The following PCCB variants were observed in gnomAD, a reference collection of about 807,000 sequenced individuals.
PCCB encodes the protein propionyl-CoA carboxylase beta chain, mitochondrial.
In PCCB, 43 loss-of-function variants were observed where a neutral mutation model predicts 60.7. The observed-to-expected ratio is 0.71, with a 90% CI of 0.55 to 0.91. The LOEUF is 0.91. Among genes scored for constraint, PCCB ranks in the 40% least tolerant of loss-of-function variants. PCCB has a pLI of 0.00. For missense variants in PCCB, 766 were observed against 702.8 expected, an observed-to-expected ratio of 1.09 and a Z score of -1.02; for synonymous variants, 276 against 255.9, an observed-to-expected ratio of 1.08 and a Z score of -0.75.
At chr3:136,260,725 C>T (rs1941799458) in intron 4 of PCCB, among the ~76,000 whole-genome samples, 190 bp downstream of exon 4, 1 of 152,158 alleles carries the variant, frequency 6.6e-6, no homozygotes, top group South Asian at 2.1e-4. Context: ...CTGGCAAAGC[C>T]TGAACCCTCC....
At chr3:136,326,683 A>G (rs1935322359) in intron 10 of PCCB, 120 bp from the exon 11 acceptor site, 2 of 781,146 alleles carry the variant, frequency 2.6e-6, no homozygotes, top group Non-Finnish European at 4.6e-6. Context: ...ATTCTGCAAC[A>G]AAGAAGTGTT....
At chr3:136,328,655 T>G in intron 13 of PCCB, 103 bp from the exon 14 acceptor site, 1 of 905,402 alleles carries the variant, frequency 1.1e-6, no homozygotes, top group Non-Finnish European at 1.8e-6. Flanking sequence ...CTCAGTACAC[T>G]GATTTACCAA....
intron 10 of PCCB, among the ~76,000 whole-genome samples, chr3:136,323,627 T>C (rs1357565778): frequency 6.6e-6 from 1 of 151,908 alleles, no homozygotes; most frequent in African/African-American, 2.4e-5. Context: ...CTACTAAAAA[T>C]ACAAAAAATG....
chr3:136,272,176 A>G (rs1485491343), intron 5 of PCCB, among the ~76,000 whole-genome samples: 2 of 152,118 alleles, frequency 1.3e-5, no homozygotes, highest in Non-Finnish European at 1.5e-5. Context: ...TGACTTGCAT[A>G]TGTTAAACCA....
Position 136,301,140 on chromosome 3 carries a change from G to A in PCCB, c.966+29G>A, listed in dbSNP as rs2108208900. On this transcript the variant is annotated intron_variant, in intron 9 of 14. Coordinates refer to ENST00000251654, the MANE Select transcript of PCCB (RefSeq NM_000532.5). ...AGTGCCACATCTGTTTGTCTTGCCT[G>A]TCCTAGTCAGCCACATTCATGGGCA... The A allele has an allele frequency of 1.9e-6, 3 of 1,560,510 alleles. No homozygotes were observed. In the East Asian group the frequency reaches 6.7e-5, roughly 35 times the overall value.
In PCCB at chr3:136,298,006, A is replaced by T. The variant is rs765749691; in HGVS notation, c.818A>T (p.Asp273Val). The change falls in exon 8 of 15, where the codon GAT becomes GTT. Residue 273 changes from aspartate to valine, a missense_variant. Coordinates refer to ENST00000251654, the MANE Select transcript of PCCB (RefSeq NM_000532.5). ...NDVDALCNLR[D>V]FFNYLPLSSQ... is the part of the protein sequence containing the mutation. ...GTTGATGCCTTGTGTAATCTCCGGG[A>T]TTTCTTCAACTACCTGCCCCTGAGC... 1.1e-5 allele frequency: 17 copies of T among 1,613,906 alleles called. No individual in the cohort carries two copies. The highest frequency in any genetic ancestry group is 1.0e-4 in the Admixed American group (6 of 59,992).
intron 8 of PCCB, 41 bp from the exon 9 acceptor site, chr3:136,300,989 T>C: frequency 1.4e-6 from 2 of 1,481,344 alleles, no homozygotes; most frequent in Non-Finnish European, 1.9e-6. Context: ...GGTAACTGGC[T>C]CTTCCTATGT....
intron 7 of PCCB, among the ~76,000 whole-genome samples, chr3:136,296,415 C>T (rs980573673): frequency 1.1e-4 from 17 of 152,200 alleles, no homozygotes; most frequent in African/African-American, 4.8e-5. Flanking sequence ...GTTAAAGGCT[C>T]ATCCATGTTG....
At chr3:136,270,993 T>C (rs1420937997) in intron 5 of PCCB, among the ~76,000 whole-genome samples, 2 of 152,308 alleles carry the variant, frequency 1.3e-5, no homozygotes, top group Middle Eastern at 3.4e-3. Flanking sequence ...TATTTTTTCT[T>C]GCTGATTTGA....
chr3:136,292,418 A>G (rs1298578963), intron 6 of PCCB, among the ~76,000 whole-genome samples: 1 of 152,228 alleles, frequency 6.6e-6, no homozygotes, highest in Non-Finnish European at 1.5e-5. Flanking sequence ...TTAGTACATA[A>G]AAAAGCCAAT....
chr3:136,329,526 A>C (rs1443269241), intron 14 of PCCB, among the ~76,000 whole-genome samples: 2 of 152,238 alleles, frequency 1.3e-5, no homozygotes, highest in African/African-American at 4.8e-5. Context: ...TCTTGAAGAG[A>C]GAAGTGGTAA....
intron 6 of PCCB, among the ~76,000 whole-genome samples, chr3:136,290,539 T>A (rs2108191993): frequency 6.6e-6 from 1 of 152,100 alleles, no homozygotes; most frequent in South Asian, 2.1e-4. Flanking sequence ...TCTTTTGTTT[T>A]TTTAGAGATG....
intron 10 of PCCB, among the ~76,000 whole-genome samples, chr3:136,322,932 TG>T (rs1390520509): frequency 6.6e-6 from 1 of 152,106 alleles, no homozygotes; most frequent in Non-Finnish European, 1.5e-5. Flanking sequence ...CTGCTGTCTC[TG>T]GCTTTCAGAG....
chr3:136,329,659 G>GTAT (rs1935466637), intron 14 of PCCB, among the ~76,000 whole-genome samples: 1 of 152,110 alleles, frequency 6.6e-6, no homozygotes, highest in Admixed American at 6.5e-5. Context: ...GAGCAAGCAG[G>GTAT]GTATAGGGAG....
chr3:136,250,599 C>G lies in PCCB; in HGVS notation c.183+41C>G, dbSNP rs1276325336. ...CCTAAGTGAGTCCCGCCCCTGGCGT[C>G]CGCGACCTATCACTGCGTGCCCGGC... is the stretch of plus-strand genomic sequence containing the variant. On this transcript the variant is annotated intron_variant, in intron 1 of 14. Coordinates refer to ENST00000251654, the MANE Select transcript of PCCB (RefSeq NM_000532.5). The G allele has an allele frequency of 5.4e-5, 85 of 1,573,824 alleles. 1 individual carries two copies. In the East Asian group the frequency reaches 1.9e-3, roughly 36 times the overall value.
chr3:136,281,789 A>C (rs952304454), intron 5 of PCCB, among the ~76,000 whole-genome samples: 1 of 152,044 alleles, frequency 6.6e-6, no homozygotes, highest in Non-Finnish European at 1.5e-5. Context: ...TTGCTTGTCA[A>C]CTGCTGGGTC....
At position 136,283,791 on chromosome 3, in the gene PCCB, T is replaced by G. The variant is rs772455549; in HGVS notation, c.544-46T>G. On this transcript the variant is annotated intron_variant, in intron 5 of 14. Coordinates refer to ENST00000251654, the MANE Select transcript of PCCB (RefSeq NM_000532.5). ...TCTTTATCTTTCCACAGATAATGCC[T>G]CAAACATCTCTGTAACCAGATGCTT... 3.0e-6 allele frequency: 4 copies of G among 1,314,712 alleles called. No homozygotes were observed. In the Admixed American group the frequency reaches 6.7e-5, roughly 22 times the overall value. 81.4% of individuals were successfully genotyped at this position (1,314,712 alleles called of 1,614,324 possible).
rs368179096 is a variant in PCCB at position 136,305,745 on chromosome 3, C to G, written c.966+4634C>G. Among the ~76,000 whole-genome samples, 2 of 80,818 alleles carry G rather than the reference C, an allele frequency of 2.5e-5. 1 individual carries two copies. Among genetic ancestry groups the G allele is most frequent in the East Asian group, 1.8e-3 (2 of 1,110 alleles). 53.0% of individuals were successfully genotyped at this position (80,818 alleles called of 152,430 possible). A position where few individuals can be genotyped will look rare whatever the true frequency, so the allele number is the denominator to read the frequency against. ...GCCTGGGCGATGAGTGAAACTGTCTCTAAAAAAAAAAAAAAAGAAAGAAAA... is the reference window on the plus strand; with the variant it reads ...GCCTGGGCGATGAGTGAAACTGTCTGTAAAAAAAAAAAAAAAGAAAGAAAA... On this transcript the variant is annotated intron_variant, in intron 9 of 14. Transcript: ENST00000251654.
chr3:136,276,690 C>A (rs1260030583), intron 5 of PCCB, among the ~76,000 whole-genome samples: 1 of 152,214 alleles, frequency 6.6e-6, no homozygotes, highest in African/African-American at 2.4e-5. Context: ...GAAGCCCCAA[C>A]TGTGTCTGTG....
Sources: allele counts gnomAD v4.1 joint callset (sites outside exome capture counted in the v4.1 genomes callset), GRCh38; gene constraint gnomAD v4.1.1; transcripts MANE v1.5; gene names NCBI Gene and HGNC (gene_info 2026-07-23, HGNC 2026-07-21).